The following RAD51D variants were observed in gnomAD, a reference collection of about 807,000 sequenced individuals.
RAD51D encodes DNA repair protein RAD51 homolog 4.
RAD51D carries 38 observed loss-of-function variants against 44.1 expected under a neutral mutation model. That is an observed-to-expected ratio of 0.86 (90% CI 0.67 to 1.13). RAD51D has a LOEUF of 1.13. Among genes scored for constraint, RAD51D ranks in the 50% most tolerant of loss-of-function variants. The probability of loss-of-function intolerance (pLI) is 0.00; values close to 1 mark genes in which losing one functional copy is unlikely to be tolerated. For synonymous variants in RAD51D, 141 were observed against 166.6 expected (o/e 0.85, Z 1.18); for missense variants, 390 against 414.0 (o/e 0.94, Z 0.50).
intron 3 of RAD51D, among the ~76,000 whole-genome samples, chr17:35,116,456 C>T (rs1370104716): frequency 1.3e-5 from 2 of 152,180 alleles, no homozygotes; most frequent in African/African-American, 4.8e-5. Context: ...GTCCCAATTT[C>T]TTCACCTATA....
chr17:35,106,878 G>A (rs1402212749), intron 5 of RAD51D, 110 bp downstream of exon 5: 3 of 1,521,326 alleles, frequency 2.0e-6, no homozygotes, highest in Non-Finnish European at 2.7e-6. Context: ...TAATAGAACA[G>A]CAAGTTTGAA....
Position 35,103,711 on chromosome 17 carries a change from C to G in RAD51D, c.577-167G>C, listed in dbSNP as rs1157454120. ...TCATCAGCAGCAATGTCTCCCTCGT[C>G]CCATTGGCATGTGTAACAGACTTCA... On this transcript the variant is annotated intron_variant, in intron 6 of 9. Transcript: ENST00000345365. This position sits in a 1 kb window ranked among gnomAD's most constrained non-coding sequence, Gnocchi z 4.1. Among the ~76,000 whole-genome samples, 4 of 152,216 alleles carry G rather than the reference C, an allele frequency of 2.6e-5. No individual in the cohort carries two copies. Among genetic ancestry groups the G allele is most frequent in the Non-Finnish European group, 5.9e-5 (4 of 68,046 alleles).
At chr17:35,119,409 G>C in intron 1 of RAD51D, 123 bp downstream of exon 1, 2 of 1,182,604 alleles carry the variant, frequency 1.7e-6, no homozygotes, top group Non-Finnish European at 2.5e-6. Context: ...CTCCAGAAGC[G>C]CGGCCCTCTA....
chr17:35,112,775 G>T (rs1420831375), intron 3 of RAD51D, among the ~76,000 whole-genome samples: 2 of 152,162 alleles, frequency 1.3e-5, no homozygotes, highest in African/African-American at 4.8e-5. Context: ...ATCCTCACTA[G>T]TCCTAGGAGT....
chr17:35,104,139 G>A (rs1597859528), intron 6 of RAD51D, among the ~76,000 whole-genome samples: 4 of 152,216 alleles, frequency 2.6e-5, no homozygotes, highest in East Asian at 1.9e-4. Context: ...AGAAAGCTCC[G>A]CAGAGAGTCC....
At chr17:35,112,590 C>A (rs1399570903) in intron 3 of RAD51D, among the ~76,000 whole-genome samples, 8 of 152,040 alleles carry the variant, frequency 5.3e-5, no homozygotes, top group African/African-American at 1.9e-4. Context: ...ATTGGCCAGG[C>A]TGGTCTCGAA....
At position 35,098,180 on chromosome 17, in the gene RAD51D, G is replaced by C. The variant is rs1213958291; in HGVS notation, c.*2773C>G. 1 of 152,210 alleles carries C rather than the reference G, an allele frequency of 6.6e-6. No individual in the cohort carries two copies. The highest frequency in any genetic ancestry group is 1.5e-5 in the Non-Finnish European group (1 of 68,046). The allele number at this position is 152,210 out of a possible 1,614,324, so 9.4% of individuals were successfully genotyped here. On this transcript the variant is annotated 3_prime_UTR_variant, in exon 10 of 10. Transcript: ENST00000345365. Reference sequence around the variant, plus strand: ...GGTGACAGCTGTGGTGCCTTCAGCTGGAGTTACAGCCCTAGCAGGAATAGA... The same window carrying C: ...GGTGACAGCTGTGGTGCCTTCAGCTCGAGTTACAGCCCTAGCAGGAATAGA...
At chr17:35,109,229 G>A (rs906702805) in intron 3 of RAD51D, among the ~76,000 whole-genome samples, 1 of 152,088 alleles carries the variant, frequency 6.6e-6, no homozygotes, top group Non-Finnish European at 1.5e-5. Flanking sequence ...TTGCATATAT[G>A]GATAGTTCAT....
rs2091516125 is a variant in RAD51D, at chr17:35,100,042, C to T, written c.*911G>A. On this transcript the variant is annotated 3_prime_UTR_variant, in exon 10 of 10. Transcript: ENST00000345365. ...TATTATTTACGTCAGCATCAATTTTCCCAGCTGGCTCTATTTACTGTGCAA... is the reference window on the plus strand; with the variant it reads ...TATTATTTACGTCAGCATCAATTTTTCCAGCTGGCTCTATTTACTGTGCAA... The T allele has an allele frequency of 9.4e-6, 5 of 532,196 alleles. No homozygotes were observed. Among genetic ancestry groups the T allele is most frequent in the Non-Finnish European group, 1.8e-5 (5 of 275,122 alleles). 33.0% of individuals were successfully genotyped at this position (532,196 alleles called of 1,614,324 possible).
At chr17:35,102,698 T>G (rs2091554532) in intron 8 of RAD51D, among the ~76,000 whole-genome samples, 1 of 152,044 alleles carries the variant, frequency 6.6e-6, no homozygotes, top group African/African-American at 2.4e-5. Flanking sequence ...AAGTATTGTA[T>G]GGAGATATGT....
chr17:35,116,500 A>G (rs1162363295), intron 3 of RAD51D, among the ~76,000 whole-genome samples: 6 of 151,558 alleles, frequency 4.0e-5, no homozygotes, highest in Admixed American at 4.0e-4. Context: ...ATTTTATTTT[A>G]TTTTATTTTT....
chr17:35,114,638 T>C (rs1213761067), intron 3 of RAD51D, among the ~76,000 whole-genome samples: 1 of 151,880 alleles, frequency 6.6e-6, no homozygotes, highest in Non-Finnish European at 1.5e-5. Context: ...TGCAGTGAAC[T>C]ATGATTGTGC....
rs1185605490 is a variant in RAD51D at position 35,096,024 on chromosome 17, C to T, written c.*4929G>A. The T allele has an allele frequency of 6.6e-6, 1 of 152,170 alleles. No homozygotes were observed. Among genetic ancestry groups the T allele is most frequent in the Non-Finnish European group, 1.5e-5 (1 of 68,030 alleles). 9.4% of individuals were successfully genotyped at this position (152,170 alleles called of 1,614,324 possible). On this transcript the variant is annotated 3_prime_UTR_variant, in exon 10 of 10. Coordinates refer to ENST00000345365, the MANE Select transcript of RAD51D (RefSeq NM_002878.4). ...TGTAACCAATTAGTTGTCTTTGTAT[C>T]TCATTTCTGTTTTCTGACCATAAAT...
chr17:35,100,110 C>T lies in RAD51D; in HGVS notation c.*843G>A. 1.9e-6 allele frequency: 1 copy of T among 533,142 alleles called. No individual in the cohort carries two copies. Among genetic ancestry groups the T allele is most frequent in the Middle Eastern group, 5.2e-4 (1 of 1,924 alleles). The allele number at this position is 533,142 out of a possible 1,614,324, so 33.0% of individuals were successfully genotyped here. ...TATGGGCAAGGCCATGGTTCAGCAC[C>T]TCTGGTTATGCTGTACTGTGGAGGG... On this transcript the variant is annotated 3_prime_UTR_variant, in exon 10 of 10. Coordinates refer to ENST00000345365, the MANE Select transcript of RAD51D (RefSeq NM_002878.4).
chr17:35,115,231 C>T, intron 3 of RAD51D: 1 of 515,992 alleles, frequency 1.9e-6, no homozygotes, highest in Non-Finnish European at 3.9e-6. Context: ...CTCTGAACTG[C>T]CTTTTAGCCA....
intron 3 of RAD51D, among the ~76,000 whole-genome samples, chr17:35,114,215 T>A (rs1045028839): frequency 1.3e-5 from 2 of 151,960 alleles, no homozygotes; most frequent in Non-Finnish European, 2.9e-5. Context: ...GAGCTTGCAG[T>A]GAGCCGAGAT....
chr17:35,115,670 C>A (rs184251235), intron 3 of RAD51D, among the ~76,000 whole-genome samples: 13 of 152,128 alleles, frequency 8.5e-5, no homozygotes, highest in African/African-American at 3.1e-4. Flanking sequence ...AAGATCGAGA[C>A]CATCCTGGCC....
In RAD51D at chr17:35,098,228, T is replaced by C. The variant is rs1240860731; in HGVS notation, c.*2725A>G. 6.6e-6 allele frequency: 1 copy of C among 152,042 alleles called. No individual in the cohort carries two copies. The highest frequency in any genetic ancestry group is 1.5e-5 in the Non-Finnish European group (1 of 68,004). The allele number at this position is 152,042 out of a possible 1,614,324, so 9.4% of individuals were successfully genotyped here. A position where few individuals can be genotyped will look rare whatever the true frequency, so the allele number is the denominator to read the frequency against. ...AGAACTGTATGGACTGAAAATTAAA[T>C]AAAATGTGGGGATTTTTTTTTTCTT... On this transcript the variant is annotated 3_prime_UTR_variant, in exon 10 of 10. Coordinates refer to ENST00000345365, the MANE Select transcript of RAD51D (RefSeq NM_002878.4).
At position 35,097,455 on chromosome 17, in the gene RAD51D, A is replaced by ATATATATGTGTG. The variant is rs755671095; in HGVS notation, c.*3497_*3498insCACACATATATA. 8.6e-5 allele frequency: 5 copies of ATATATATGTGTG among 57,956 alleles called. No homozygotes were observed. The highest frequency in any genetic ancestry group is 2.0e-4 in the Non-Finnish European group (5 of 25,364). 3.6% of individuals were successfully genotyped at this position (57,956 alleles called of 1,614,324 possible). A position where few individuals can be genotyped will look rare whatever the true frequency, so the allele number is the denominator to read the frequency against. ...TATATGTGTGTATATATATGTGTGT[A>ATATATATGTGTG]TATATATATATGTGTGTATATATAT... On this transcript the variant is annotated 3_prime_UTR_variant, in exon 10 of 10. Transcript: ENST00000345365.
Sources: gnomAD v4.1 joint callset for allele counts (sites outside exome capture counted in the v4.1 genomes callset) on GRCh38, gnomAD v4.1.1 for gene constraint, Gnocchi (gnomAD v3.1) non-coding constraint, MANE v1.5 for transcripts, NCBI Gene and HGNC (gene_info 2026-07-23, HGNC 2026-07-21) for gene names.